The following CCSER1 variants were observed in gnomAD, a reference collection of about 807,000 sequenced individuals.
CCSER1 encodes coiled-coil serine rich protein 1.
A neutral mutation model predicts 82.0 loss-of-function variants in CCSER1; 41 were observed. The ratio of observed to expected loss-of-function variants is 0.50; its 90% confidence interval spans 0.39 to 0.65. CCSER1 has a LOEUF of 0.65. CCSER1 is among the 30% of genes least tolerant of loss of function. The pLI, the probability that CCSER1 is intolerant of heterozygous loss-of-function variation, is 0.00. For missense variants in CCSER1, 1,119 were observed against 1,064.2 expected (o/e 1.05, Z -0.72); for synonymous variants, 414 against 383.9 (o/e 1.08, Z -0.92).
chr4:91,221,708 G>C (rs918042321), intron 10 of CCSER1, among the ~76,000 whole-genome samples: 2 of 152,082 alleles, frequency 1.3e-5, no homozygotes, highest in East Asian at 3.9e-4. Flanking sequence ...GAGGTTAAAA[G>C]ATGTTCAGGT....
intron 9 of CCSER1, among the ~76,000 whole-genome samples, chr4:90,972,624 T>C (rs1735218263): frequency 6.6e-6 from 1 of 151,700 alleles, no homozygotes; most frequent in Non-Finnish European, 1.5e-5. Flanking sequence ...AACTCATTCT[T>C]TACCAAAATC....
rs1747150128 is a variant in CCSER1 at position 91,334,114 on chromosome 4, C to T, written c.2217+248120C>T. On this transcript the variant is annotated intron_variant, in intron 10 of 10. Coordinates refer to ENST00000509176, the MANE Select transcript of CCSER1 (RefSeq NM_001145065.2). ...TTATTTCAAAACATACAAATGTTTA[C>T]ATAAATGGTGTAATGTATTGTTATT... is the stretch of plus-strand genomic sequence containing the variant. 3.3e-5 allele frequency among the ~76,000 whole-genome samples: 5 copies of T among 152,218 alleles called. No homozygotes were observed. The South Asian group carries it at 8.3e-4, about 25-fold the overall frequency.
chr4:91,600,692 G>C lies in CCSER1; in HGVS notation c.*1635G>C, dbSNP rs1022683649. 7.9e-5 allele frequency: 12 copies of C among 152,124 alleles called. No individual in the cohort carries two copies. Among genetic ancestry groups the C allele is most frequent in the African/African-American group, 2.7e-4 (11 of 41,438 alleles). The allele number at this position is 152,124 out of a possible 1,614,324, so 9.4% of individuals were successfully genotyped here. A position where few individuals can be genotyped will look rare whatever the true frequency, so the allele number is the denominator to read the frequency against. On this transcript the variant is annotated 3_prime_UTR_variant, in exon 11 of 11. Coordinates refer to ENST00000509176, the MANE Select transcript of CCSER1 (RefSeq NM_001145065.2). ...TTAACTACTGAACTTTGATACATTT[G>C]CAAACTTAGATTGGAACTGATAAAG...
At chr4:91,142,645 T>C (rs1729149460) in intron 10 of CCSER1, among the ~76,000 whole-genome samples, 1 of 152,166 alleles carries the variant, frequency 6.6e-6, no homozygotes, top group Admixed American at 6.5e-5. Flanking sequence ...CTTGTATATG[T>C]ACAAGTATAC....
chr4:90,365,972 G>A (rs2153521317), intron 3 of CCSER1, among the ~76,000 whole-genome samples: 1 of 151,724 alleles, frequency 6.6e-6, no homozygotes, highest in South Asian at 2.1e-4. Context: ...ATTTTTGTCT[G>A]ATTTTTTTTC....
chr4:90,140,479 C>CA (rs959863382), intron 1 of CCSER1, among the ~76,000 whole-genome samples: 1 of 152,018 alleles, frequency 6.6e-6, no homozygotes, highest in African/African-American at 2.4e-5. Flanking sequence ...ACACTCACAT[C>CA]AAAAACAAAT....
At chr4:90,363,892 A>C (rs975573982) in intron 3 of CCSER1, among the ~76,000 whole-genome samples, 1 of 152,124 alleles carries the variant, frequency 6.6e-6, no homozygotes, top group African/African-American at 2.4e-5. Context: ...ATGGGATTAT[A>C]TTCTGTAATG....
chr4:91,178,395 A>G (rs1159751560), intron 10 of CCSER1, among the ~76,000 whole-genome samples: 1 of 80,296 alleles, frequency 1.2e-5, no homozygotes, highest in African/African-American at 4.0e-5. Context: ...TGATCTGTCT[A>G]ATGTTGACAG....
chr4:90,155,632 A>G (rs1312134343), intron 1 of CCSER1, among the ~76,000 whole-genome samples: 1 of 152,116 alleles, frequency 6.6e-6, no homozygotes, highest in African/African-American at 2.4e-5. Context: ...CAAGGAATTT[A>G]TCCATTTCTT....
intron 6 of CCSER1, among the ~76,000 whole-genome samples, chr4:90,645,660 T>A (rs147901951): frequency 2.6e-5 from 4 of 152,316 alleles, no homozygotes; most frequent in Admixed American, 2.6e-4. Context: ...TGGTTTATGG[T>A]TTTGACACAT....
At chr4:91,441,532 C>A (rs1755148124) in intron 10 of CCSER1, among the ~76,000 whole-genome samples, 1 of 152,248 alleles carries the variant, frequency 6.6e-6, no homozygotes, top group South Asian at 2.1e-4. Flanking sequence ...TGGGCAAAAA[C>A]TGGAAGCATT....
At chr4:90,528,138 G>A (rs1050749867) in intron 5 of CCSER1, among the ~76,000 whole-genome samples, 2 of 152,118 alleles carry the variant, frequency 1.3e-5, no homozygotes, top group Admixed American at 1.3e-4. Flanking sequence ...TCCAAGGAGT[G>A]ACCTTTAAAG....
In CCSER1 at chr4:91,179,345, G is replaced by T. The variant is rs2954101; in HGVS notation, c.2217+93351G>T. On this transcript the variant is annotated intron_variant, in intron 10 of 10. Transcript: ENST00000509176. Reference sequence around the variant, plus strand: ...CTGCATTTCCTGAATTTGAATGTTGGCCTACCTTGCTAGGTTGGGGAAGTT... The same window carrying T: ...CTGCATTTCCTGAATTTGAATGTTGTCCTACCTTGCTAGGTTGGGGAAGTT... 3.3e-3 allele frequency among the ~76,000 whole-genome samples: 503 copies of T among 152,200 alleles called. 2 individuals are homozygous for T. Among genetic ancestry groups the T allele is most frequent in the African/African-American group, 0.012 (483 of 41,508 alleles).
intron 6 of CCSER1, among the ~76,000 whole-genome samples, chr4:90,655,905 A>G (rs1210921149): frequency 6.6e-6 from 1 of 151,930 alleles, no homozygotes; most frequent in Admixed American, 6.6e-5. Flanking sequence ...TAGGAGAGTA[A>G]AAATCCTCAG....
At chr4:90,539,639 G>A (rs960188979) in intron 5 of CCSER1, among the ~76,000 whole-genome samples, 15 of 152,182 alleles carry the variant, frequency 9.9e-5, no homozygotes, top group African/African-American at 3.1e-4. Context: ...GCAAATAAAT[G>A]TTTGTTGAAT....
intron 1 of CCSER1, among the ~76,000 whole-genome samples, chr4:90,281,130 T>C (rs909159591): frequency 7.9e-5 from 12 of 152,030 alleles, no homozygotes; most frequent in Admixed American, 5.3e-4. Flanking sequence ...AAGAATGAGA[T>C]AATGTCCTTT....
intron 4 of CCSER1, among the ~76,000 whole-genome samples, chr4:90,421,359 A>C (rs1195136399): frequency 6.6e-6 from 1 of 152,210 alleles, no homozygotes; most frequent in East Asian, 1.9e-4. Context: ...GTACCCTTAC[A>C]TCATAACGTG....
chr4:91,185,322 A>G (rs768303633), intron 10 of CCSER1, among the ~76,000 whole-genome samples: 12 of 152,216 alleles, frequency 7.9e-5, no homozygotes, highest in Non-Finnish European at 1.5e-4. Context: ...AGTAGATATA[A>G]CGATTTGAAT....
At chr4:91,327,317 C>T (rs962914885) in intron 10 of CCSER1, among the ~76,000 whole-genome samples, 1 of 152,198 alleles carries the variant, frequency 6.6e-6, no homozygotes. Context: ...CACCCACAGG[C>T]CCAATACCAC....
Sources: allele counts gnomAD v4.1 joint callset (sites outside exome capture counted in the v4.1 genomes callset), GRCh38; gene constraint gnomAD v4.1.1; transcripts MANE v1.5; gene names NCBI Gene and HGNC (gene_info 2026-07-23, HGNC 2026-07-21).